Variants in NIBAN2 observed in about 807,000 individuals in gnomAD.
NIBAN2 encodes protein Niban 2.
In NIBAN2, 36 loss-of-function variants were observed where a neutral mutation model predicts 81.8. The observed-to-expected ratio is 0.44, with a 90% confidence interval of 0.34 to 0.58. The LOEUF (loss-of-function observed/expected upper bound fraction) is 0.58. Ranked by LOEUF, NIBAN2 falls within the 20% of genes least tolerant of loss-of-function variation. The pLI is 0.02. For missense variants in NIBAN2, 897 were observed against 1,014.1 expected, an observed-to-expected ratio of 0.88 and a Z score of 1.57; for synonymous variants, 445 against 441.6, an observed-to-expected ratio of 1.01 and a Z score of -0.10.
chr9:127,542,791 T>G (rs542475949), intron 1 of NIBAN2, among the ~76,000 whole-genome samples: 1 of 152,354 alleles, frequency 6.6e-6, no homozygotes, highest in African/African-American at 2.4e-5. Flanking sequence ...GGCACGATCT[T>G]GGCTCACTGC....
chr9:127,510,113 G>C (rs770676266), intron 9 of NIBAN2, 33 bp downstream of exon 9: 1 of 1,580,420 alleles, frequency 6.3e-7, no homozygotes, highest in African/African-American at 1.3e-5. Flanking sequence ...CTACTCTCAG[G>C]AGACCCCCTC....
At chr9:127,572,317 T>C (rs1438758377), upstream of NIBAN2, among the ~76,000 whole-genome samples, 2 of 152,146 alleles carry the variant, frequency 1.3e-5, no homozygotes, top group Admixed American at 1.3e-4. Flanking sequence ...TATTTTAAAG[T>C]GAAAAAATAA....
At position 127,527,231 on chromosome 9, in the gene NIBAN2, G is replaced by C; in HGVS notation, c.278C>G (p.Pro93Arg). 1 of 1,613,976 alleles carries C rather than the reference G, an allele frequency of 6.2e-7. No homozygotes were observed. Among genetic ancestry groups the C allele is most frequent in the Non-Finnish European group, 8.5e-7 (1 of 1,180,008 alleles). Reference protein sequence around the residue: ...KKWRNRFSLVPHNYGLVLYEN... With the variant: ...KKWRNRFSLVRHNYGLVLYEN... ...GTAGAGCACCAGCCCGTAGTTGTGG[G>C]GCACGAGGCTGAAGCGGTTTCTCCA... Residue 93 changes from proline to arginine, a missense_variant, in exon 3 of 14, where the codon CCC becomes CGC. Coordinates refer to ENST00000373312, the MANE Select transcript of NIBAN2 (RefSeq NM_022833.4).
chr9:127,562,833 C>A (rs901878228), intron 1 of NIBAN2, among the ~76,000 whole-genome samples: 2 of 152,182 alleles, frequency 1.3e-5, no homozygotes, highest in Non-Finnish European at 2.9e-5. Context: ...AAGTGACCCT[C>A]TGTCCTCAAA....
At chr9:127,562,356 T>A (rs951807772) in intron 1 of NIBAN2, among the ~76,000 whole-genome samples, 2 of 152,146 alleles carry the variant, frequency 1.3e-5, no homozygotes, top group Non-Finnish European at 2.9e-5. Context: ...GAGGTGGGAA[T>A]TCAATAAGAT....
In NIBAN2 at chr9:127,517,492, C is replaced by T. The variant is rs941820330; in HGVS notation, c.706-276G>A. On this transcript the variant is annotated intron_variant, in intron 6 of 13. Coordinates refer to ENST00000373312, the MANE Select transcript of NIBAN2 (RefSeq NM_022833.4). This position sits in a 1 kb window ranked among gnomAD's most constrained non-coding sequence, Gnocchi z 4.0. Reference sequence around the variant, plus strand: ...CCTAGAATACCATACTCCCTCCCTGCTTTGCCTGCACATGGAAGTGTACAT... The same window carrying T: ...CCTAGAATACCATACTCCCTCCCTGTTTTGCCTGCACATGGAAGTGTACAT... Among the ~76,000 whole-genome samples, 4 of 152,194 alleles carry T rather than the reference C, an allele frequency of 2.6e-5. No individual in the cohort carries two copies. The highest frequency in any genetic ancestry group is 4.4e-5 in the Non-Finnish European group (3 of 68,034).
Position 127,536,585 on chromosome 9 carries a change from C to T in NIBAN2, c.56-4807G>A, listed in dbSNP as rs957866658. Among the ~76,000 whole-genome samples the T allele has an allele frequency of 2.0e-5, 3 of 152,224 alleles. No homozygotes were observed. The highest frequency in any genetic ancestry group is 4.4e-5 in the Non-Finnish European group (3 of 68,046). ...GCACCCCTCTTTCCTCCATACTTGC[C>T]CACAGCAGCTCTTTCCATTTCCTGC... On this transcript the variant is annotated intron_variant, in intron 1 of 13. Coordinates refer to ENST00000373312, the MANE Select transcript of NIBAN2 (RefSeq NM_022833.4). The surrounding 1 kb of genome is among the most constrained non-coding windows in gnomAD (Gnocchi z 4.0).
chr9:127,562,059 G>C (rs1313334912), intron 1 of NIBAN2, among the ~76,000 whole-genome samples: 1 of 152,180 alleles, frequency 6.6e-6, no homozygotes, highest in African/African-American at 2.4e-5. Context: ...AAGGAGGAGG[G>C]GGGCGCAGGG....
chr9:127,556,337 C>T (rs1837669792), intron 1 of NIBAN2, among the ~76,000 whole-genome samples: 1 of 151,890 alleles, frequency 6.6e-6, no homozygotes, highest in African/African-American at 2.4e-5. Context: ...CCCACATCTG[C>T]CCTGCCCCTC....
At position 127,508,171 on chromosome 9, in the gene NIBAN2, C is replaced by T. The variant is rs1014750963; in HGVS notation, c.1464G>A (p.Arg488=). The change falls in exon 12 of 14, where the codon CGG becomes CGA. Residue 488 remains arginine, a synonymous_variant. Transcript: ENST00000373312. This position sits in a 1 kb window ranked among gnomAD's most constrained non-coding sequence, Gnocchi z 6.4. The part of the protein sequence containing the change: ...KKYDYDSSSV[R]KRFFREALLQ... ...GCAGCGCCTCCCGGAAGAACCTCTT[C>T]CGCACAGAGCTGCTGTCGTAGTCGT... is the stretch of plus-strand genomic sequence containing the variant. 7 of 1,613,526 alleles carry T rather than the reference C, an allele frequency of 4.3e-6. No homozygotes were observed. Among genetic ancestry groups the T allele is most frequent in the Non-Finnish European group, 5.9e-6 (7 of 1,179,988 alleles).
At chr9:127,527,397 C>A in intron 2 of NIBAN2, 75 bp from the exon 3 acceptor site, 2 of 1,424,714 alleles carry the variant, frequency 1.4e-6, no homozygotes, top group Non-Finnish European at 2.0e-6. Context: ...GATGGCCCAG[C>A]CAGCAGAGCC....
In NIBAN2 at chr9:127,505,395, T is replaced by G. The variant is rs1374983667; in HGVS notation, c.*1450A>C. ...GAAGCATGAACAGTGTGCATAATAT[T>G]TTCAATACAATATCAGGGAGGGATG... On this transcript the variant is annotated 3_prime_UTR_variant, in exon 14 of 14. Coordinates refer to ENST00000373312, the MANE Select transcript of NIBAN2 (RefSeq NM_022833.4). The G allele has an allele frequency of 6.6e-6, 1 of 152,582 alleles. No homozygotes were observed. Among genetic ancestry groups the G allele is most frequent in the Non-Finnish European group, 1.5e-5 (1 of 68,038 alleles). The allele number at this position is 152,582 out of a possible 1,614,324, so 9.5% of individuals were successfully genotyped here. A position where few individuals can be genotyped will look rare whatever the true frequency, so the allele number is the denominator to read the frequency against.
At chr9:127,513,047 C>T (rs921976121) in intron 8 of NIBAN2, among the ~76,000 whole-genome samples, 1 of 152,084 alleles carries the variant, frequency 6.6e-6, no homozygotes, top group African/African-American at 2.4e-5. Flanking sequence ...TAAAAAAGAA[C>T]GAGTTTCAGT....
intron 1 of NIBAN2, among the ~76,000 whole-genome samples, chr9:127,533,597 G>A (rs1837223876): frequency 6.6e-6 from 1 of 152,230 alleles, no homozygotes; most frequent in Non-Finnish European, 1.5e-5. Context: ...TCGTGCAACT[G>A]CACTCCAGCC....
chr9:127,515,903 C>A lies in NIBAN2; in HGVS notation c.973+954G>T, dbSNP rs61663442. ...CTGTAATCCTAGCACTTTGGGAAGC[C>A]AAGGTGGGTGGATTGCTTGAGCTCA... On this transcript the variant is annotated intron_variant, in intron 8 of 13. Transcript: ENST00000373312. 1.7e-3 allele frequency among the ~76,000 whole-genome samples: 253 copies of A among 152,000 alleles called. 1 individual carries two copies. Among genetic ancestry groups the A allele is most frequent in the African/African-American group, 6.0e-3 (247 of 41,430 alleles).
Position 127,510,240 on chromosome 9 carries a change from T to C in NIBAN2, c.1067A>G (p.Gln356Arg). Residue 356 changes from glutamine to arginine, a missense_variant, in exon 9 of 14, where the codon CAG (glutamine) becomes CGG (arginine). Transcript: ENST00000373312. ...GACATCTCGCACCTCAGTGAAGCCCTGGCTGGTGGGGACCATCAGGGCCTC... is the reference window on the plus strand; with the variant it reads ...GACATCTCGCACCTCAGTGAAGCCCCGGCTGGTGGGGACCATCAGGGCCTC... ...ILEALMVPTSQGFTEVRDVFF... is the reference protein window; with the variant it reads ...ILEALMVPTSRGFTEVRDVFF... 6.2e-7 allele frequency: 1 copy of C among 1,614,106 alleles called. No homozygotes were observed. The highest frequency in any genetic ancestry group is 8.5e-7 in the Non-Finnish European group (1 of 1,179,972).
chr9:127,516,299 G>A (rs151216890), intron 8 of NIBAN2, among the ~76,000 whole-genome samples: 3 of 152,054 alleles, frequency 2.0e-5, no homozygotes, highest in African/African-American at 4.8e-5. Flanking sequence ...GTAATCCCAG[G>A]ACTTTGGGAG....
intron 1 of NIBAN2, among the ~76,000 whole-genome samples, chr9:127,577,154 A>T (rs1300692000): frequency 6.6e-6 from 1 of 151,948 alleles, no homozygotes; most frequent in African/African-American, 2.4e-5. Context: ...CTAAAAATAC[A>T]AAAATTAGCC....
At position 127,508,250 on chromosome 9, in the gene NIBAN2, G is replaced by GC; in HGVS notation, c.1435-51dup. ...GTCTGCAGGTCAGTGGGCTCCATTG[G>GC]CCCTGAGGGTAGGACGAGGCCAGTG... On this transcript the variant is annotated intron_variant, in intron 11 of 13. Transcript: ENST00000373312. This position sits in a 1 kb window ranked among gnomAD's most constrained non-coding sequence, Gnocchi z 6.4. The GC allele has an allele frequency of 6.7e-7, 1 of 1,493,518 alleles. No individual in the cohort carries two copies. Among genetic ancestry groups the GC allele is most frequent in the Non-Finnish European group, 9.3e-7 (1 of 1,075,254 alleles). The allele number at this position is 1,493,518 out of a possible 1,614,324, so 92.5% of individuals were successfully genotyped here.
Sources: gnomAD v4.1 joint callset for allele counts (sites outside exome capture counted in the v4.1 genomes callset) on GRCh38, gnomAD v4.1.1 for gene constraint, Gnocchi (gnomAD v3.1) non-coding constraint, MANE v1.5 for transcripts, NCBI Gene and HGNC (gene_info 2026-07-23, HGNC 2026-07-21) for gene names.